The following MAPK10 variants were observed in gnomAD, a reference collection of about 807,000 sequenced individuals.
MAPK10 encodes JNK3 alpha protein kinase.
Under a neutral mutation model 59.3 loss-of-function variants are expected in MAPK10, and 25 were observed. That is an observed-to-expected ratio of 0.42 (90% confidence interval 0.31 to 0.59). The LOEUF (loss-of-function observed/expected upper bound fraction) is 0.59, where lower values mean the gene tolerates loss of function less well. Among genes scored for constraint, MAPK10 ranks in the 20% least tolerant of loss-of-function variants. MAPK10 has a pLI of 0.15. For missense variants in MAPK10, 351 were observed against 568.9 expected (o/e 0.62, Z 3.90); for synonymous variants, 190 against 200.5 (o/e 0.95, Z 0.44).
intron 9 of MAPK10, among the ~76,000 whole-genome samples, chr4:86,072,170 C>T (rs202237197): frequency 0.22 from 33,147 of 149,540 alleles, 3,769 homozygotes; most frequent in South Asian, 0.25. Flanking sequence ...AATGGGAGTT[C>T]ACTCTTGATT....
intron 1 of MAPK10, among the ~76,000 whole-genome samples, chr4:86,354,939 A>T (rs1733641983): frequency 6.6e-6 from 1 of 152,078 alleles, no homozygotes; most frequent in South Asian, 2.1e-4. Flanking sequence ...AATACAAGGC[A>T]CCCCACTCAT....
intron 1 of MAPK10, among the ~76,000 whole-genome samples, chr4:86,505,428 T>C (rs575252240): frequency 6.6e-6 from 1 of 152,074 alleles, no homozygotes; most frequent in African/African-American, 2.4e-5. Flanking sequence ...CTGGGCAACA[T>C]AGAGAGACCT....
At chr4:86,480,267 C>T (rs1753492623) in intron 1 of MAPK10, among the ~76,000 whole-genome samples, 2 of 152,068 alleles carry the variant, frequency 1.3e-5, no homozygotes, top group African/African-American at 4.8e-5. Flanking sequence ...TGTGAAATTC[C>T]TTCTCCTGGC....
chr4:86,318,760 G>C (rs557901983), intron 2 of MAPK10, among the ~76,000 whole-genome samples: 1 of 152,192 alleles, frequency 6.6e-6, no homozygotes, highest in South Asian at 2.1e-4. Context: ...GCAATTTACA[G>C]ACATTTACAT....
chr4:86,437,778 G>C (rs1748941197), intron 1 of MAPK10, among the ~76,000 whole-genome samples: 1 of 152,112 alleles, frequency 6.6e-6, no homozygotes, highest in South Asian at 2.1e-4. Context: ...TGTACCAGAA[G>C]ACATGTTCAA....
chr4:86,257,653 A>G (rs558249870), intron 2 of MAPK10, among the ~76,000 whole-genome samples: 1 of 152,126 alleles, frequency 6.6e-6, no homozygotes, highest in Non-Finnish European at 1.5e-5. Flanking sequence ...TCTATTTATT[A>G]CCCACCTCCG....
At chr4:86,122,914 G>T (rs1258414974) in intron 4 of MAPK10, among the ~76,000 whole-genome samples, 4 of 151,878 alleles carry the variant, frequency 2.6e-5, no homozygotes, top group Non-Finnish European at 5.9e-5. Flanking sequence ...TATAAATTTG[G>T]TGTTTGTTCT....
intron 9 of MAPK10, chr4:86,080,780 A>G (rs533221203): frequency 1.4e-4 from 22 of 152,098 alleles, no homozygotes; most frequent in Admixed American, 1.0e-3. Context: ...CTAAATGAAC[A>G]TGTGCCAAGA....
chr4:86,171,127 G>T (rs1221261138), intron 3 of MAPK10: 1 of 151,796 alleles, frequency 6.6e-6, no homozygotes, highest in African/African-American at 2.4e-5. Flanking sequence ...AAGCAGGAAA[G>T]ATCCAAAATT....
chr4:86,479,647 ACTCC>A (rs1218858882), intron 1 of MAPK10, among the ~76,000 whole-genome samples: 6 of 151,726 alleles, frequency 4.0e-5, no homozygotes, highest in East Asian at 1.9e-4. Context: ...GCCACTCTTA[ACTCC>A]CTCTTAAAGT....
chr4:86,139,359 A>T (rs2149171830), intron 4 of MAPK10, among the ~76,000 whole-genome samples: 1 of 151,318 alleles, frequency 6.6e-6, no homozygotes, highest in East Asian at 1.9e-4. Context: ...AACAGAACAG[A>T]GCCCTCAGAA....
chr4:86,078,502 C>G (rs1256129402), intron 9 of MAPK10, among the ~76,000 whole-genome samples: 1 of 151,670 alleles, frequency 6.6e-6, no homozygotes, highest in African/African-American at 2.4e-5. Context: ...GGGAGTAGTA[C>G]CCATGGAAAG....
intron 2 of MAPK10, among the ~76,000 whole-genome samples, chr4:86,215,897 C>T (rs1267166904): frequency 6.6e-6 from 1 of 152,094 alleles, no homozygotes; most frequent in African/African-American, 2.4e-5. Flanking sequence ...AAGTTACCAT[C>T]TCACATCCAT....
intron 11 of MAPK10, among the ~76,000 whole-genome samples, chr4:86,037,962 T>C (rs1434516084): frequency 1.3e-5 from 2 of 152,238 alleles, no homozygotes; most frequent in African/African-American, 4.8e-5. Context: ...TTTCTGTCAG[T>C]CTACACTTAC....
intron 2 of MAPK10, among the ~76,000 whole-genome samples, chr4:86,256,352 G>GTTATAGCTACAATGAGAAAA (rs1325391363): frequency 3.9e-5 from 6 of 152,168 alleles, no homozygotes; most frequent in Non-Finnish European, 7.4e-5. Context: ...AACCTACAGA[G>GTTATAGCTACAATGAGAAAA]TTATAGCTAC....
intron 1 of MAPK10, chr4:86,356,480 AGT>A (rs1734534294): frequency 1.1e-6 from 1 of 923,386 alleles, no homozygotes; most frequent in African/African-American, 1.8e-5. Flanking sequence ...TCCTCTTAAG[AGT>A]TTCTACCAAG....
intron 4 of MAPK10, among the ~76,000 whole-genome samples, chr4:86,153,154 C>A (rs1024719192): frequency 6.6e-6 from 1 of 151,994 alleles, no homozygotes; most frequent in South Asian, 2.1e-4. Context: ...AAAATAAGAA[C>A]CAGCATCACT....
At chr4:86,263,757 C>T (rs2094115181) in intron 2 of MAPK10, among the ~76,000 whole-genome samples, 1 of 152,114 alleles carries the variant, frequency 6.6e-6, no homozygotes, top group Non-Finnish European at 1.5e-5. Context: ...AAGAACAAGA[C>T]CTATCTTTAC....
intron 1 of MAPK10, among the ~76,000 whole-genome samples, chr4:86,529,398 C>A (rs1306396107): frequency 2.0e-5 from 3 of 152,100 alleles, no homozygotes; most frequent in Non-Finnish European, 4.4e-5. Context: ...AGGAGGAGGC[C>A]ATTGTCACCG....
Sources: allele counts gnomAD v4.1 joint callset (sites outside exome capture counted in the v4.1 genomes callset), GRCh38; gene constraint gnomAD v4.1.1; transcripts MANE v1.5; gene names NCBI Gene and HGNC (gene_info 2026-07-23, HGNC 2026-07-21).